Variants in ERC2 observed in about 807,000 individuals in gnomAD.
ERC2 encodes ELKS/RAB6-interacting/CAST family member 2, also known as ERC protein 2.
ERC2 carries 42 observed loss-of-function variants against 114.8 expected under a neutral mutation model. The ratio of observed to expected loss-of-function variants is 0.37; its 90% CI spans 0.29 to 0.47. The LOEUF (loss-of-function observed/expected upper bound fraction) is 0.47, where lower values mean the gene tolerates loss of function less well. Among genes scored for constraint, ERC2 ranks in the 20% least tolerant of loss-of-function variants. The pLI, the probability that ERC2 is intolerant of heterozygous loss-of-function variation, is 0.99. For missense variants in ERC2, 939 were observed against 1,150.7 expected (o/e 0.82, Z 2.66); for synonymous variants, 454 against 425.5 (o/e 1.07, Z -0.82).
intron 13 of ERC2, among the ~76,000 whole-genome samples, chr3:55,916,670 T>C (rs1171734496): frequency 1.3e-5 from 2 of 152,136 alleles, no homozygotes; most frequent in Admixed American, 6.5e-5. Context: ...CCAGTGCTTG[T>C]AGGTTGGCTC....
chr3:56,210,317 G>C (rs2048982782), intron 3 of ERC2, among the ~76,000 whole-genome samples: 1 of 152,104 alleles, frequency 6.6e-6, no homozygotes, highest in Non-Finnish European at 1.5e-5. Context: ...GGCCAAAAAT[G>C]GCAGAGTTTA....
At chr3:56,016,707 C>T (rs961811231) in intron 8 of ERC2, among the ~76,000 whole-genome samples, 3 of 151,956 alleles carry the variant, frequency 2.0e-5, no homozygotes. Context: ...CCTAGGAAAC[C>T]CATGGGCATT....
At chr3:55,942,269 T>TC in intron 13 of ERC2, among the ~76,000 whole-genome samples, 2 of 43,190 alleles carry the variant, frequency 4.6e-5, no homozygotes, top group East Asian at 7.4e-4. Flanking sequence ...GTCCTTTCTT[T>TC]TTTTTTTTTT....
At chr3:56,393,828 C>T (rs1366291978) in intron 2 of ERC2, among the ~76,000 whole-genome samples, 1 of 152,138 alleles carries the variant, frequency 6.6e-6, no homozygotes, top group African/African-American at 2.4e-5. Context: ...CTGCCATAAG[C>T]CTCAGTGAAG....
intron 5 of ERC2, among the ~76,000 whole-genome samples, chr3:56,141,799 C>T (rs1040138138): frequency 2.6e-5 from 4 of 152,184 alleles, no homozygotes; most frequent in South Asian, 4.2e-4. Context: ...AAACTCCACT[C>T]GATCATTACA....
At position 56,040,582 on chromosome 3, in the gene ERC2, T is replaced by TATGTATATGTATAC. The variant is rs2075087100; in HGVS notation, c.1642-21552_1642-21551insGTATACATATACAT. Among the ~76,000 whole-genome samples, 2 of 98,010 alleles carry TATGTATATGTATAC rather than the reference T, an allele frequency of 2.0e-5. 1 individual carries two copies. The highest frequency in any genetic ancestry group is 7.1e-5 in the African/African-American group (2 of 28,216). The allele number at this position is 98,010 out of a possible 152,430, so 64.3% of individuals were successfully genotyped here. ...ATATAGAGATGTATATATGTATACA[T>TATGTATATGTATAC]ATACATATATATCTATATATGTATA... On this transcript the variant is annotated intron_variant, in intron 7 of 17. Transcript: ENST00000288221.
chr3:56,370,825 G>A (rs142356390), intron 2 of ERC2, among the ~76,000 whole-genome samples: 7 of 152,178 alleles, frequency 4.6e-5, no homozygotes, highest in African/African-American at 7.2e-5. Context: ...AACTCCTGAC[G>A]TCAGGTGATC....
chr3:56,239,205 T>C (rs2150198648), intron 3 of ERC2, among the ~76,000 whole-genome samples: 1 of 152,286 alleles, frequency 6.6e-6, no homozygotes, highest in Non-Finnish European at 1.5e-5. Context: ...AGACTCAGCA[T>C]CCAAACAATA....
chr3:56,231,969 G>GC (rs879335894), intron 3 of ERC2, among the ~76,000 whole-genome samples: 1 of 146,204 alleles, frequency 6.8e-6, no homozygotes, highest in Admixed American at 6.8e-5. Flanking sequence ...CCTAGACATA[G>GC]TTTTTTTTTT....
intron 14 of ERC2, among the ~76,000 whole-genome samples, chr3:55,817,913 C>G (rs377553656): frequency 1.3e-5 from 2 of 152,176 alleles, no homozygotes; most frequent in East Asian, 3.9e-4. Context: ...GACAGAGCAG[C>G]TCCAGGTGAG....
At chr3:56,443,755 C>T (rs2062428360) in intron 1 of ERC2, among the ~76,000 whole-genome samples, 2 of 151,820 alleles carry the variant, frequency 1.3e-5, no homozygotes, top group Admixed American at 6.6e-5. Flanking sequence ...AAAAGATCAA[C>T]TTTATTGAGC....
chr3:56,127,813 C>G (rs1460751260), intron 6 of ERC2, among the ~76,000 whole-genome samples: 1 of 151,070 alleles, frequency 6.6e-6, no homozygotes, highest in Non-Finnish European at 1.5e-5. Context: ...GAAACAAATC[C>G]ACACATTTGT....
rs1352589495 is a variant in ERC2 at position 56,227,946 on chromosome 3, A to G, written c.1075-54426T>C. Among the ~76,000 whole-genome samples, 5 of 152,232 alleles carry G rather than the reference A, an allele frequency of 3.3e-5. No individual in the cohort carries two copies. The East Asian group carries it at 7.7e-4, about 23-fold the overall frequency. On this transcript the variant is annotated intron_variant, in intron 3 of 17. Transcript: ENST00000288221. Reference sequence around the variant, plus strand: ...ATGGGAAATTGCACAATAATAAAACATAAGTTACAGATATGGATAACAACA... The same window carrying G: ...ATGGGAAATTGCACAATAATAAAACGTAAGTTACAGATATGGATAACAACA...
intron 11 of ERC2, among the ~76,000 whole-genome samples, chr3:55,987,997 T>C (rs1200686459): frequency 2.0e-5 from 3 of 152,136 alleles, no homozygotes; most frequent in Non-Finnish European, 4.4e-5. Context: ...ACATGAAAGG[T>C]CACCCAAACT....
At chr3:55,581,076 GCCCAAAT>G (rs1413681859) in intron 17 of ERC2, among the ~76,000 whole-genome samples, 1 of 152,164 alleles carries the variant, frequency 6.6e-6, no homozygotes, top group Non-Finnish European at 1.5e-5. Context: ...TGTTTCAGGA[GCCCAAAT>G]GTGCTCCTCT....
At chr3:56,209,628 G>T (rs186591694) in intron 3 of ERC2, among the ~76,000 whole-genome samples, 104 of 152,300 alleles carry the variant, frequency 6.8e-4, no homozygotes, top group African/African-American at 2.4e-3. Flanking sequence ...GATTCAGAAG[G>T]AAGAGCATTG....
intron 2 of ERC2, among the ~76,000 whole-genome samples, chr3:56,303,645 C>G (rs2056040952): frequency 1.3e-5 from 2 of 152,210 alleles, no homozygotes; most frequent in African/African-American, 4.8e-5. Flanking sequence ...AGAGAGCACT[C>G]TCTGGTCTCT....
intron 3 of ERC2, among the ~76,000 whole-genome samples, chr3:56,237,144 C>T (rs543931383): frequency 6.6e-6 from 1 of 152,268 alleles, no homozygotes; most frequent in South Asian, 2.1e-4. Context: ...CACAGACTCC[C>T]CAACCCACAA....
chr3:56,273,258 CTTTCTTTTT>C (rs2053775521), intron 3 of ERC2, among the ~76,000 whole-genome samples: 2 of 94,742 alleles, frequency 2.1e-5, no homozygotes, highest in Non-Finnish European at 4.8e-5. Flanking sequence ...CTTTTTTTTT[CTTTCTTTTT>C]TTTTTTTTTT....
Sources: allele counts gnomAD v4.1 joint callset (sites outside exome capture counted in the v4.1 genomes callset), GRCh38; gene constraint gnomAD v4.1.1; transcripts MANE v1.5; gene names NCBI Gene and HGNC (gene_info 2026-07-23, HGNC 2026-07-21).